The following RGS20 variants were observed in gnomAD, a reference collection of about 807,000 sequenced individuals.
The protein encoded by RGS20 is regulator of G protein signaling 20, also known as gz-selective GTPase-activating protein.
Under a neutral mutation model 33.6 loss-of-function variants are expected in RGS20, and 30 were observed. The observed-to-expected ratio is 0.89, with a 90% confidence interval of 0.67 to 1.21. RGS20 has a LOEUF of 1.21. RGS20 is among the 50% of genes most tolerant of loss of function. The pLI, the probability that RGS20 is intolerant of heterozygous loss-of-function variation, is 0.00. For synonymous variants in RGS20, 208 were observed against 197.9 expected (o/e 1.05, Z -0.43); for missense variants, 472 against 502.4 (o/e 0.94, Z 0.58).
At chr8:53,888,413 C>T (rs896780317) in intron 2 of RGS20, among the ~76,000 whole-genome samples, 2 of 152,138 alleles carry the variant, frequency 1.3e-5, no homozygotes, top group Admixed American at 1.3e-4. Flanking sequence ...GCTTAGTAAA[C>T]TTTATGTAAG....
At chr8:53,957,544 C>G (rs940846047) in intron 5 of RGS20, among the ~76,000 whole-genome samples, 2 of 152,236 alleles carry the variant, frequency 1.3e-5, no homozygotes. Flanking sequence ...TGTGGGCCAG[C>G]AGGGGAAGCC....
At position 53,916,056 on chromosome 8, in the gene RGS20, C is replaced by T. The variant is rs908129422; in HGVS notation, c.511-23520C>T. Among the ~76,000 whole-genome samples the T allele has an allele frequency of 2.6e-5, 4 of 152,102 alleles. No homozygotes were observed. The East Asian group carries it at 7.7e-4, about 29-fold the overall frequency. On this transcript the variant is annotated intron_variant, in intron 2 of 5. Transcript: ENST00000297313. ...ATATTCATCCGAGGACAGGGTCTCA[C>T]TCTGTTGCCCAAGCTAACTGCGGTG...
chr8:53,882,046 T>C (rs1812400554), intron 2 of RGS20, among the ~76,000 whole-genome samples: 1 of 150,910 alleles, frequency 6.6e-6, no homozygotes, highest in African/African-American at 2.4e-5. Flanking sequence ...GAAGCGGCGC[T>C]CCGGGACCGG....
At chr8:53,886,020 A>G (rs1007389407) in intron 2 of RGS20, among the ~76,000 whole-genome samples, 7 of 152,138 alleles carry the variant, frequency 4.6e-5, no homozygotes, top group African/African-American at 1.7e-4. Flanking sequence ...TCACTGTCCA[A>G]TTGGGAATAT....
intron 2 of RGS20, among the ~76,000 whole-genome samples, chr8:53,908,292 A>G (rs1254510349): frequency 6.6e-6 from 1 of 152,204 alleles, no homozygotes; most frequent in Non-Finnish European, 1.5e-5. Context: ...ATAAAGCAAT[A>G]GATAATGGAG....
Position 53,946,664 on chromosome 8 carries a change from G to C in RGS20, c.660-1G>C. ...AACATGTGAATGTCTTTTTTTTGCA[G>C]TCTCACTGTTAGAAACCAGGAAGAT... On this transcript the variant is annotated splice_acceptor_variant, in intron 3 of 5. Transcript: ENST00000297313. LOFTEE classifies it high-confidence loss of function. 1 of 1,608,634 alleles carries C rather than the reference G, an allele frequency of 6.2e-7. No homozygotes were observed. Among genetic ancestry groups the C allele is most frequent in the East Asian group, 2.2e-5 (1 of 44,656 alleles).
chr8:53,881,266 G>A (rs1042951043), intron 2 of RGS20, among the ~76,000 whole-genome samples, 182 bp downstream of exon 1: 5 of 146,636 alleles, frequency 3.4e-5, no homozygotes, highest in African/African-American at 5.5e-5. Context: ...GAGTTTGGGG[G>A]AGTGGGGCTG....
intron 2 of RGS20, among the ~76,000 whole-genome samples, chr8:53,910,776 C>T (rs899367670): frequency 2.0e-5 from 3 of 152,148 alleles, no homozygotes; most frequent in Non-Finnish European, 2.9e-5. Context: ...CTGATACACA[C>T]GACCAGGTGA....
intron 2 of RGS20, among the ~76,000 whole-genome samples, chr8:53,881,868 C>A (rs1429733063): frequency 6.6e-6 from 1 of 152,028 alleles, no homozygotes; most frequent in East Asian, 1.9e-4. Flanking sequence ...CAAGTCTGGG[C>A]GCCCGGACTG....
At chr8:53,924,283 G>C (rs548332790) in intron 2 of RGS20, among the ~76,000 whole-genome samples, 1 of 151,778 alleles carries the variant, frequency 6.6e-6, no homozygotes. Context: ...TCCGCCTCCC[G>C]GGTTCAAGAG....
chr8:53,937,060 G>A (rs1814155689), intron 2 of RGS20, among the ~76,000 whole-genome samples: 2 of 152,014 alleles, frequency 1.3e-5, no homozygotes, highest in Admixed American at 6.6e-5. Flanking sequence ...AACTGAAATT[G>A]GGTTCTCACT....
intron 2 of RGS20, among the ~76,000 whole-genome samples, chr8:53,927,701 A>G (rs1563407058): frequency 6.6e-6 from 1 of 152,224 alleles, no homozygotes; most frequent in Non-Finnish European, 1.5e-5. Flanking sequence ...AGACTAAAAA[A>G]GGAGAGAAGA....
chr8:53,947,437 G>C (rs1280772672), intron 4 of RGS20, among the ~76,000 whole-genome samples: 1 of 136,918 alleles, frequency 7.3e-6, no homozygotes, highest in Non-Finnish European at 1.5e-5. Context: ...ATATGATATA[G>C]TATATACATT....
At chr8:53,871,112 C>CAAAAAAAAAA (rs370091533) in intron 1 of RGS20, among the ~76,000 whole-genome samples, 1 of 21,470 alleles carries the variant, frequency 4.7e-5, no homozygotes, top group African/African-American at 1.1e-4. Context: ...CTCCATCTCA[C>CAAAAAAAAAA]AAAAAAAAAA....
intron 1 of RGS20, among the ~76,000 whole-genome samples, chr8:53,861,656 T>TTTTCATTTGAAG (rs1276452570): frequency 6.6e-6 from 1 of 152,164 alleles, no homozygotes; most frequent in Non-Finnish European, 1.5e-5. Flanking sequence ...ATTTTTGAAG[T>TTTTCATTTGAAG]TTTCATTTGA....
intron 1 of RGS20, among the ~76,000 whole-genome samples, chr8:53,870,336 TG>T (rs1201266129): frequency 2.6e-5 from 4 of 152,230 alleles, no homozygotes; most frequent in Admixed American, 2.0e-4. Context: ...GACTAGAGTT[TG>T]TTTATAATTC....
intron 2 of RGS20, among the ~76,000 whole-genome samples, chr8:53,881,696 G>A (rs766417849): frequency 3.3e-5 from 5 of 152,158 alleles, no homozygotes; most frequent in Non-Finnish European, 7.3e-5. Flanking sequence ...GCGTTCACTC[G>A]GAGCCTCTGT....
intron 2 of RGS20, among the ~76,000 whole-genome samples, chr8:53,889,121 A>C (rs1812630091): frequency 6.6e-6 from 1 of 152,220 alleles, no homozygotes. Flanking sequence ...TAGATACTGC[A>C]AAACTGTTTC....
At chr8:53,944,394 T>A (rs1044244327) in intron 3 of RGS20, among the ~76,000 whole-genome samples, 2 of 151,964 alleles carry the variant, frequency 1.3e-5, no homozygotes, top group East Asian at 3.9e-4. Flanking sequence ...AAAAATTAGC[T>A]GGGTGTGGTG....
Sources: allele counts gnomAD v4.1 joint callset (sites outside exome capture counted in the v4.1 genomes callset), GRCh38; gene constraint gnomAD v4.1.1; transcripts MANE v1.5; gene names NCBI Gene and HGNC (gene_info 2026-07-23, HGNC 2026-07-21).